GALK2: variants seen among roughly 807,000 people sequenced by gnomAD.
The protein encoded by GALK2 is galactokinase 2.
Under a neutral mutation model 52.4 loss-of-function variants are expected in GALK2, and 36 were observed. The observed-to-expected ratio is 0.69, with a 90% CI of 0.53 to 0.91. The LOEUF is 0.91. Among genes scored for constraint, GALK2 ranks in the 40% least tolerant of loss-of-function variants. GALK2 has a pLI of 0.00. For synonymous variants in GALK2, 176 were observed against 199.1 expected, an observed-to-expected ratio of 0.88 and a Z score of 0.98; for missense variants, 579 against 559.1, an observed-to-expected ratio of 1.04 and a Z score of -0.36.
chr15:49,350,708 C>A (rs2042113623), intron 3 of GALK2, among the ~76,000 whole-genome samples: 1 of 152,202 alleles, frequency 6.6e-6, no homozygotes, highest in Non-Finnish European at 1.5e-5. Context: ...TCTTCCTGCA[C>A]CATTTGCCTT....
At chr15:49,170,126 T>A (rs2084964154), upstream of GALK2, 2 of 1,320,872 alleles carry the variant, frequency 1.5e-6, no homozygotes, top group African/African-American at 3.0e-5. Flanking sequence ...GAGGGAACCC[T>A]GGCTGAGTCC....
intron 5 of GALK2, among the ~76,000 whole-genome samples, chr15:49,281,478 C>A (rs934834724): frequency 3.0e-4 from 46 of 152,124 alleles, no homozygotes; most frequent in African/African-American, 1.1e-3. Flanking sequence ...GGAAGATGAG[C>A]CTGATGAGAT....
chr15:49,363,826 G>A (rs7176321), intron 3 of GALK2, among the ~76,000 whole-genome samples: 12 of 152,148 alleles, frequency 7.9e-5, no homozygotes, highest in Middle Eastern at 3.4e-3. Context: ...TATCATGAAG[G>A]GATGTTGAAT....
In GALK2 at chr15:49,201,396, A is replaced by G. The variant is rs962700687; in HGVS notation, c.142+146A>G. On this transcript the variant is annotated intron_variant, in intron 2 of 9. Coordinates refer to ENST00000560031, the MANE Select transcript of GALK2 (RefSeq NM_002044.4). ...TAGTAAGATGTGCCTTTGCATAAGG[A>G]ACACACTTTACTTTTATCTTTCCCA... 5.7e-6 allele frequency: 3 copies of G among 525,902 alleles called. No individual in the cohort carries two copies. In the East Asian group the frequency reaches 9.2e-5, roughly 16 times the overall value. The allele number at this position is 525,902 out of a possible 1,614,324, so 32.6% of individuals were successfully genotyped here. A position where few individuals can be genotyped will look rare whatever the true frequency, so the allele number is the denominator to read the frequency against.
intron 2 of GALK2, among the ~76,000 whole-genome samples, chr15:49,202,972 A>G (rs888277987): frequency 1.3e-5 from 2 of 152,184 alleles, no homozygotes; most frequent in Non-Finnish European, 1.5e-5. Flanking sequence ...GCATTTGTCT[A>G]TGATTGTAAG....
At chr15:49,354,414 C>T (rs1049310648) in intron 3 of GALK2, among the ~76,000 whole-genome samples, 4 of 152,162 alleles carry the variant, frequency 2.6e-5, no homozygotes, top group East Asian at 1.9e-4. Context: ...CGAAGCAGGG[C>T]GAGGCATTGC....
At chr15:49,279,312 T>A (rs2032353898) in intron 5 of GALK2, among the ~76,000 whole-genome samples, 1 of 152,222 alleles carries the variant, frequency 6.6e-6, no homozygotes, top group Non-Finnish European at 1.5e-5. Flanking sequence ...AAGCATAAAT[T>A]TCTCAAACTT....
At chr15:49,278,823 T>C (rs1465572010) in intron 5 of GALK2, among the ~76,000 whole-genome samples, 2 of 152,258 alleles carry the variant, frequency 1.3e-5, no homozygotes, top group Admixed American at 6.5e-5. Flanking sequence ...AAGAAATACT[T>C]GATACTGGGT....
chr15:49,216,086 C>T (rs930519184), intron 2 of GALK2, among the ~76,000 whole-genome samples: 2 of 152,186 alleles, frequency 1.3e-5, no homozygotes, highest in Admixed American at 1.3e-4. Context: ...CTTCCCTTTA[C>T]TCCTCCCAGT....
chr15:49,335,117 T>C (rs1162098381), downstream of GALK2, among the ~76,000 whole-genome samples: 1 of 152,174 alleles, frequency 6.6e-6, no homozygotes, highest in Non-Finnish European at 1.5e-5. Context: ...GGGCTTATCT[T>C]TGTAAATGGA....
chr15:49,310,873 T>C (rs36035920), intron 8 of GALK2, among the ~76,000 whole-genome samples: 1 of 152,196 alleles, frequency 6.6e-6, no homozygotes, highest in Admixed American at 6.5e-5. Context: ...TCCTTTGCTG[T>C]GTAGAATCTT....
At chr15:49,337,281 GT>G (rs1264261762) in intron 3 of GALK2, among the ~76,000 whole-genome samples, 1 of 152,136 alleles carries the variant, frequency 6.6e-6, no homozygotes, top group African/African-American at 2.4e-5. Context: ...ACTTTTGACA[GT>G]GGCTGAACTA....
intron 8 of GALK2, among the ~76,000 whole-genome samples, chr15:49,305,563 C>T (rs1436357040): frequency 6.6e-6 from 1 of 152,156 alleles, no homozygotes; most frequent in Non-Finnish European, 1.5e-5. Flanking sequence ...AGACCACCTA[C>T]ATAGGAAAGC....
intron 5 of GALK2, among the ~76,000 whole-genome samples, chr15:49,271,871 G>A (rs1010222592): frequency 6.6e-6 from 1 of 152,168 alleles, no homozygotes; most frequent in Admixed American, 6.5e-5. Flanking sequence ...AATGGATAAT[G>A]GCAAAGCCCT....
intron 1 of GALK2, among the ~76,000 whole-genome samples, chr15:49,160,192 T>C (rs1017618249): frequency 1.3e-5 from 2 of 151,968 alleles, no homozygotes; most frequent in African/African-American, 4.8e-5. Flanking sequence ...GGAGAATTGC[T>C]TGCATCTGGG....
At chr15:49,222,571 A>G (rs982292877) in intron 3 of GALK2, among the ~76,000 whole-genome samples, 15 of 152,204 alleles carry the variant, frequency 9.9e-5, no homozygotes, top group Admixed American at 3.9e-4. Flanking sequence ...TATTTATTCT[A>G]TGCCTGATAA....
At chr15:49,214,496 A>ATTTTTTTTT (rs35538212) in intron 2 of GALK2, among the ~76,000 whole-genome samples, 2 of 129,964 alleles carry the variant, frequency 1.5e-5, no homozygotes, top group Non-Finnish European at 1.6e-5. Context: ...ACACCCGGCT[A>ATTTTTTTTT]TTTTTTTTTT....
At chr15:49,251,553 A>G (rs1435152126) in intron 5 of GALK2, among the ~76,000 whole-genome samples, 1 of 152,156 alleles carries the variant, frequency 6.6e-6, no homozygotes, top group African/African-American at 2.4e-5. Flanking sequence ...AAAATTTTAA[A>G]TGTATAATAC....
At chr15:49,257,339 C>T (rs2091857784) in intron 5 of GALK2, among the ~76,000 whole-genome samples, 1 of 152,116 alleles carries the variant, frequency 6.6e-6, no homozygotes, top group Non-Finnish European at 1.5e-5. Context: ...TGTCACCTGC[C>T]TCTTACATTC....
Sources: allele counts gnomAD v4.1 joint callset (sites outside exome capture counted in the v4.1 genomes callset), GRCh38; gene constraint gnomAD v4.1.1; transcripts MANE v1.5; gene names NCBI Gene and HGNC (gene_info 2026-07-23, HGNC 2026-07-21).